The following TMEM131 variants were observed in gnomAD, a reference collection of about 807,000 sequenced individuals.
TMEM131 encodes the protein 2610524E03Rik.
In TMEM131, 66 loss-of-function variants were observed where a neutral mutation model predicts 211.6. The observed-to-expected ratio is 0.31, with a 90% CI of 0.26 to 0.38. The LOEUF (loss-of-function observed/expected upper bound fraction) is 0.38, where lower values mean the gene tolerates loss of function less well. Ranked by LOEUF, TMEM131 falls within the 10% of genes least tolerant of loss-of-function variation. The pLI is 1.00. For missense variants in TMEM131, 2,036 were observed against 2,299.3 expected, an observed-to-expected ratio of 0.89 and a Z score of 2.34; for synonymous variants, 844 against 841.3, an observed-to-expected ratio of 1.00 and a Z score of -0.06.
At chr2:97,943,729 G>C (rs111634681) in intron 1 of TMEM131, among the ~76,000 whole-genome samples, 1 of 152,152 alleles carries the variant, frequency 6.6e-6, no homozygotes. Flanking sequence ...AAAACTTCCC[G>C]ATTTCAAAAC....
chr2:97,934,661 T>G (rs140696166), intron 1 of TMEM131, among the ~76,000 whole-genome samples: 13 of 152,166 alleles, frequency 8.5e-5, no homozygotes, highest in Non-Finnish European at 4.4e-5. Context: ...GGCAGAGGGA[T>G]AGACACATAA....
chr2:97,948,276 AAAT>A (rs774761951), intron 1 of TMEM131, among the ~76,000 whole-genome samples: 1 of 152,224 alleles, frequency 6.6e-6, no homozygotes, highest in Non-Finnish European at 1.5e-5. Context: ...CACAGACTGG[AAAT>A]AATATTTGCA....
intron 11 of TMEM131, among the ~76,000 whole-genome samples, chr2:97,828,020 C>A (rs1016420677): frequency 1.3e-5 from 2 of 152,194 alleles, no homozygotes; most frequent in Admixed American, 1.3e-4. Context: ...TGTGTGCACT[C>A]TGTAACATCT....
In TMEM131 at chr2:97,759,181, C is replaced by T. The variant is rs1313865118; in HGVS notation, c.5207-128G>A. On this transcript the variant is annotated intron_variant, in intron 39 of 40. Coordinates refer to ENST00000186436, the MANE Select transcript of TMEM131 (RefSeq NM_015348.2). ...GAGCCACCACACCCACTTCACCAGC[C>T]CACCACAGCCCAGAGGAAGTAGGGG... is the stretch of plus-strand genomic sequence containing the variant. 3.5e-6 allele frequency: 4 copies of T among 1,149,434 alleles called. No homozygotes were observed. In the African/African-American group the frequency reaches 6.1e-5, roughly 17 times the overall value. The allele number at this position is 1,149,434 out of a possible 1,614,324, so 71.2% of individuals were successfully genotyped here.
At chr2:97,802,358 C>T (rs1681073967) in intron 24 of TMEM131, 70 bp downstream of exon 24, 2 of 1,183,282 alleles carry the variant, frequency 1.7e-6, no homozygotes, top group East Asian at 2.4e-5. Context: ...GCAAATAAGG[C>T]TTTTTAAGTG....
In TMEM131 at chr2:97,805,695, T is replaced by C. The variant is rs758809564; in HGVS notation, c.2064A>G (p.Ile688Met). ...TCATAATATTTAAACTTTGATGAAC[T>C]ATTTTCCCCTGAAGGAAGAAAGCAA... ...VVLPPSFPGKIVHQSLNIMNS... is the reference protein window; with the variant it reads ...VVLPPSFPGKMVHQSLNIMNS... The change falls in exon 20 of 41, where the codon ATA (isoleucine) becomes ATG (methionine). Residue 688 changes from isoleucine (I) to methionine (M), a missense_variant. This residue lies in a region of TMEM131 where 1,623 missense variants were observed against 1,805.9 expected (regional missense o/e 0.90). Coordinates refer to ENST00000186436, the MANE Select transcript of TMEM131 (RefSeq NM_015348.2). 54 of 1,588,468 alleles carry C rather than the reference T, an allele frequency of 3.4e-5. No individual in the cohort carries two copies. Among genetic ancestry groups the C allele is most frequent in the Middle Eastern group, 3.4e-4 (2 of 5,962 alleles).
chr2:97,869,524 A>G (rs1236465939), intron 4 of TMEM131, among the ~76,000 whole-genome samples: 1 of 152,232 alleles, frequency 6.6e-6, no homozygotes, highest in Non-Finnish European at 1.5e-5. Flanking sequence ...AGTAGCTTGG[A>G]GTAACAAGAA....
intron 31 of TMEM131, among the ~76,000 whole-genome samples, chr2:97,782,921 T>A (rs1195889048): frequency 1.4e-5 from 2 of 145,328 alleles, no homozygotes; most frequent in Non-Finnish European, 3.0e-5. Context: ...AAAGAAACAA[T>A]GGGTAAAAAC....
chr2:97,934,195 T>C (rs1489785464), intron 1 of TMEM131, among the ~76,000 whole-genome samples: 7 of 152,280 alleles, frequency 4.6e-5, no homozygotes, highest in Admixed American at 1.3e-4. Context: ...GTCTAAATCC[T>C]AAAATCCAGT....
At chr2:97,859,521 AC>A in intron 4 of TMEM131, 94 bp from the exon 5 acceptor site, 1 of 1,033,474 alleles carries the variant, frequency 9.7e-7, no homozygotes, top group Non-Finnish European at 1.3e-6. Flanking sequence ...TTAGACAAAT[AC>A]ATAGCTAAAT....
chr2:97,780,159 T>C (rs1201730612), intron 31 of TMEM131, among the ~76,000 whole-genome samples: 1 of 152,156 alleles, frequency 6.6e-6, no homozygotes, highest in Non-Finnish European at 1.5e-5. Context: ...CTGGCAAAAA[T>C]GCAGGGCCTC....
chr2:97,893,033 G>T (rs759554108), intron 3 of TMEM131, among the ~76,000 whole-genome samples: 20 of 152,210 alleles, frequency 1.3e-4, no homozygotes, highest in Middle Eastern at 3.4e-3. Context: ...TTCTCCTAAT[G>T]CTATCCCTCC....
chr2:97,976,847 A>T (rs1679557662), intron 1 of TMEM131, among the ~76,000 whole-genome samples: 1 of 152,058 alleles, frequency 6.6e-6, no homozygotes, highest in Non-Finnish European at 1.5e-5. Context: ...ATAAACTCAC[A>T]CATGTACATG....
chr2:97,993,650 A>C (rs7578638), intron 1 of TMEM131, among the ~76,000 whole-genome samples: 50,323 of 152,136 alleles, frequency 0.33, 9,102 homozygotes, highest in Middle Eastern at 0.49. Flanking sequence ...TGATTCACCC[A>C]GGCCACTGGC....
chr2:97,780,060 A>AC (rs1263107240), intron 31 of TMEM131, among the ~76,000 whole-genome samples: 3 of 151,950 alleles, frequency 2.0e-5, no homozygotes. Flanking sequence ...CAAACAAACA[A>AC]AAAAAAACAA....
At chr2:97,921,120 A>G (rs561738741) in intron 2 of TMEM131, among the ~76,000 whole-genome samples, 89 of 152,284 alleles carry the variant, frequency 5.8e-4, no homozygotes, top group Non-Finnish European at 1.1e-3. Context: ...AAACTTTAAA[A>G]ACTATAGTCA....
chr2:97,858,322 A>G (rs1339388327), intron 5 of TMEM131, among the ~76,000 whole-genome samples: 1 of 152,200 alleles, frequency 6.6e-6, no homozygotes, highest in East Asian at 1.9e-4. Context: ...CCTATATATT[A>G]AAGTTTTAGG....
At chr2:97,800,971 A>G (rs903707242) in intron 25 of TMEM131, among the ~76,000 whole-genome samples, 1 of 152,210 alleles carries the variant, frequency 6.6e-6, no homozygotes, top group Non-Finnish European at 1.5e-5. Flanking sequence ...AAAAAATACT[A>G]CTTTGAATAT....
At chr2:97,918,760 G>C (rs1676616770) in intron 2 of TMEM131, among the ~76,000 whole-genome samples, 1 of 152,206 alleles carries the variant, frequency 6.6e-6, no homozygotes, top group African/African-American at 2.4e-5. Flanking sequence ...GAAGAAAACT[G>C]AACACAGACC....
Sources: allele counts gnomAD v4.1 joint callset (sites outside exome capture counted in the v4.1 genomes callset), GRCh38; gene constraint gnomAD v4.1.1; regional missense constraint gnomAD v4.1.1; transcripts MANE v1.5; gene names NCBI Gene and HGNC (gene_info 2026-07-23, HGNC 2026-07-21).